Variants in CRACD observed in about 807,000 individuals in gnomAD.
The protein encoded by CRACD is capping protein inhibiting regulator of actin dynamics.
Under a neutral mutation model 106.8 loss-of-function variants are expected in CRACD, and 56 were observed. The observed-to-expected ratio is 0.52, with a 90% confidence interval of 0.42 to 0.66. The LOEUF (loss-of-function observed/expected upper bound fraction) is 0.66. CRACD is among the 30% of genes least tolerant of loss of function. CRACD has a pLI of 0.00. For synonymous variants in CRACD, 754 were observed against 670.8 expected (o/e 1.12, Z -1.92); for missense variants, 1,730 against 1,623.2 (o/e 1.07, Z -1.13).
intron 1 of CRACD, among the ~76,000 whole-genome samples, chr4:56,168,797 T>C (rs573049555): frequency 1.3e-5 from 2 of 152,074 alleles, no homozygotes; most frequent in Non-Finnish European, 2.9e-5. Context: ...TTCATTCCTT[T>C]CCTACCTTTA....
intron 1 of CRACD, among the ~76,000 whole-genome samples, chr4:56,164,534 C>T (rs574943300): frequency 2.6e-5 from 4 of 152,212 alleles, no homozygotes; most frequent in South Asian, 2.1e-4. Context: ...TAGCATTAGG[C>T]GGAGTGCAAG....
rs202082707 is a variant in CRACD at position 56,327,994 on chromosome 4, C to A, written c.*190C>A. 40 of 531,004 alleles carry A rather than the reference C, an allele frequency of 7.5e-5. No individual in the cohort carries two copies. In the East Asian group the frequency reaches 1.3e-3, roughly 17 times the overall value. The allele number at this position is 531,004 out of a possible 1,614,324, so 32.9% of individuals were successfully genotyped here. A position where few individuals can be genotyped will look rare whatever the true frequency, so the allele number is the denominator to read the frequency against. On this transcript the variant is annotated 3_prime_UTR_variant, in exon 11 of 11. Transcript: ENST00000682029. The stretch of plus-strand genomic sequence containing the variant: ...AGAGTGGATTTGCACAACCCTAGGT[C>A]CTGGTGCCTCGAGCTCCTCCTAGTT...
chr4:56,085,344 G>A (rs544192330), intron 1 of CRACD, among the ~76,000 whole-genome samples: 2 of 152,172 alleles, frequency 1.3e-5, no homozygotes, highest in South Asian at 4.1e-4. Flanking sequence ...AAGACCTAAA[G>A]TCTCCCTTTA....
intron 2 of CRACD, among the ~76,000 whole-genome samples, chr4:56,185,237 G>A (rs1176797938): frequency 6.6e-6 from 1 of 152,140 alleles, no homozygotes; most frequent in Non-Finnish European, 1.5e-5. Context: ...GATTACAGGC[G>A]TGAGCCAGCG....
At chr4:56,073,789 C>T (rs1047808810) in intron 1 of CRACD, among the ~76,000 whole-genome samples, 21 of 147,442 alleles carry the variant, frequency 1.4e-4, no homozygotes, top group Non-Finnish European at 2.5e-4. Flanking sequence ...ATGCCTATGT[C>T]CTGAATGGTA....
intron 8 of CRACD, chr4:56,321,206 AT>A: frequency 7.6e-6 from 2 of 263,082 alleles, no homozygotes; most frequent in African/African-American, 2.3e-5. Context: ...TTCTTCTCCC[AT>A]TTTTGAGAAG....
intron 1 of CRACD, among the ~76,000 whole-genome samples, chr4:56,157,085 A>G (rs2109898197): frequency 6.6e-6 from 1 of 152,358 alleles, no homozygotes; most frequent in Non-Finnish European, 1.5e-5. Context: ...TTATATAATG[A>G]ATGCTTTTAT....
chr4:56,101,567 A>C (rs1216895542), intron 1 of CRACD, among the ~76,000 whole-genome samples: 1 of 152,162 alleles, frequency 6.6e-6, no homozygotes, highest in East Asian at 1.9e-4. Context: ...GTTTGACACC[A>C]GCCTGGCCAA....
At chr4:56,150,023 A>C (rs1349428792) in intron 1 of CRACD, among the ~76,000 whole-genome samples, 1 of 152,208 alleles carries the variant, frequency 6.6e-6, no homozygotes, top group Non-Finnish European at 1.5e-5. Context: ...ATCAAGCCTC[A>C]CTTATAAAGC....
At chr4:56,102,734 T>C (rs1191428442) in intron 1 of CRACD, among the ~76,000 whole-genome samples, 1 of 152,200 alleles carries the variant, frequency 6.6e-6, no homozygotes, top group Admixed American at 6.5e-5. Flanking sequence ...TAACATCGTC[T>C]GCTGGATTCG....
chr4:56,277,327 G>A (rs1742730554), intron 3 of CRACD, among the ~76,000 whole-genome samples: 1 of 151,802 alleles, frequency 6.6e-6, no homozygotes, highest in Admixed American at 6.6e-5. Flanking sequence ...GTGCAAGGTT[G>A]GTTTAACATA....
chr4:56,314,985 G>A lies in CRACD; in HGVS notation c.1483G>A (p.Glu495Lys), dbSNP rs1300247107. ...EGDTEPLLKQ[E>K]GPVEAAQPPV... ...GGACACGGAGCCTCTCCTGAAACAA[G>A]AGGGGCCGGTGGAAGCCGCGCAGCC... Residue 495 changes from glutamate to lysine, a missense_variant, in exon 8 of 11, where the codon GAG becomes AAG. Glu to Lys is a moderately conservative substitution (Grantham distance 56, BLOSUM62 1). Coordinates refer to ENST00000682029, the MANE Select transcript of CRACD (RefSeq NM_001393381.1). The surrounding 1 kb of genome is among the most constrained non-coding windows in gnomAD (Gnocchi z 4.4). 1.3e-6 allele frequency: 2 copies of A among 1,587,180 alleles called. No individual in the cohort carries two copies. Among genetic ancestry groups the A allele is most frequent in the East Asian group, 4.5e-5 (2 of 44,050 alleles).
At chr4:56,297,031 C>T (rs1184578773) in intron 3 of CRACD, among the ~76,000 whole-genome samples, 1 of 151,952 alleles carries the variant, frequency 6.6e-6, no homozygotes, top group Non-Finnish European at 1.5e-5. Flanking sequence ...GCGATTCTCC[C>T]ATCTGAGTCT....
chr4:56,274,359 T>G (rs1742548297), intron 3 of CRACD, among the ~76,000 whole-genome samples: 1 of 152,232 alleles, frequency 6.6e-6, no homozygotes, highest in Non-Finnish European at 1.5e-5. Context: ...TGGAAAGTTC[T>G]CCCTTAGAGG....
At chr4:56,325,996 C>T (rs1350610591) in intron 10 of CRACD, among the ~76,000 whole-genome samples, 3 of 152,222 alleles carry the variant, frequency 2.0e-5, no homozygotes, top group Admixed American at 1.3e-4. Context: ...ACTGCAGCCT[C>T]CGCCTCCTGG....
At chr4:56,176,278 T>C (rs1302708375) in intron 1 of CRACD, among the ~76,000 whole-genome samples, 2 of 152,220 alleles carry the variant, frequency 1.3e-5, no homozygotes, top group African/African-American at 2.4e-5. Context: ...TGTGGTTCCA[T>C]GCGAATTTTA....
intron 1 of CRACD, among the ~76,000 whole-genome samples, chr4:56,095,905 A>G (rs1489254422): frequency 6.6e-6 from 1 of 152,164 alleles, no homozygotes; most frequent in Non-Finnish European, 1.5e-5. Flanking sequence ...TGGTTTTTAT[A>G]TATTTCATAT....
At chr4:56,313,837 A>C (rs1252350032) in intron 7 of CRACD, among the ~76,000 whole-genome samples, 2 of 152,116 alleles carry the variant, frequency 1.3e-5, no homozygotes, top group Non-Finnish European at 2.9e-5. Context: ...GCGGAAACAG[A>C]ATACACGTCC....
chr4:56,315,603 G>A lies in CRACD; in HGVS notation c.2101G>A (p.Gly701Ser), dbSNP rs202186879. The A allele has an allele frequency of 8.1e-6, 13 of 1,614,062 alleles. No individual in the cohort carries two copies. The highest frequency in any genetic ancestry group is 1.1e-5 in the Non-Finnish European group (13 of 1,180,046). The change falls in exon 8 of 11, where the codon GGC becomes AGC. Residue 701 changes from glycine (G) to serine (S), a missense_variant. By Grantham distance (56) the Gly-to-Ser change is moderately conservative. Coordinates refer to ENST00000682029, the MANE Select transcript of CRACD (RefSeq NM_001393381.1). This position sits in a 1 kb window ranked among gnomAD's most constrained non-coding sequence, Gnocchi z 4.1. ...GCCCGGTGATGAGTCCACTCCCAGG[G>A]GCCGGTGTGATTCCCGCGGGAACCA... Reference protein sequence around the residue: ...LRPGDESTPRGRCDSRGNQRK... With the variant: ...LRPGDESTPRSRCDSRGNQRK...
Sources: allele counts gnomAD v4.1 joint callset (sites outside exome capture counted in the v4.1 genomes callset), GRCh38; gene constraint gnomAD v4.1.1; non-coding constraint Gnocchi (gnomAD v3.1); transcripts MANE v1.5; gene names NCBI Gene and HGNC (gene_info 2026-07-23, HGNC 2026-07-21).